Variants in TACR3 observed in about 807,000 individuals in gnomAD.
The protein encoded by TACR3 is tachykinin receptor 3, also known as neuromedin-K receptor.
TACR3 carries 34 observed loss-of-function variants against 35.0 expected under a neutral mutation model. That is an observed-to-expected ratio of 0.97 (90% CI 0.74 to 1.30). The LOEUF is 1.30. TACR3 is among the 50% of genes most tolerant of loss of function. TACR3 has a pLI of 0.00. For missense variants in TACR3, 558 were observed against 591.7 expected (o/e 0.94, Z 0.59); for synonymous variants, 233 against 221.1 (o/e 1.05, Z -0.48).
rs749394243 is a variant in TACR3, at chr4:103,658,317, A to AATG, written c.632_634dup (p.Ala211_Phe212insSer). The AATG allele has an allele frequency of 1.9e-6, 3 of 1,613,852 alleles. No individual in the cohort carries two copies. In the East Asian group the frequency reaches 6.7e-5, roughly 36 times the overall value. On this transcript the variant is annotated inframe_insertion, in exon 2 of 5. Coordinates refer to ENST00000304883, the MANE Select transcript of TACR3 (RefSeq NM_001059.3). Reference sequence around the variant, plus strand: ...AAGACACTGAGGGAAGGCAAGTAGAAATGCTAGAATCCAAATACTTCCAAT... The same window carrying AATG: ...AAGACACTGAGGGAAGGCAAGTAGAAATGATGCTAGAATCCAAATACTTCCAAT...
chr4:103,719,569 G>T lies in TACR3; in HGVS notation c.107C>A (p.Ala36Glu), dbSNP rs200591582. ...CAGTTGCAGCCACCCAGTCTCAACT[G>T]CCCCCGTGGCCGCCCCGGCAGCTAG... ...ASLAAGAATG[A>E]VETGWLQLLD... is the part of the protein sequence containing the mutation. The change falls in exon 1 of 5, where the codon GCA (alanine) becomes GAA (glutamate). Residue 36 changes from alanine to glutamate, a missense_variant. By Grantham distance (107) the Ala-to-Glu change is moderately radical (BLOSUM62 -1). Coordinates refer to ENST00000304883, the MANE Select transcript of TACR3 (RefSeq NM_001059.3). 2.1e-5 allele frequency: 33 copies of T among 1,609,620 alleles called. No individual in the cohort carries two copies. Among genetic ancestry groups the T allele is most frequent in the Middle Eastern group, 1.6e-4 (1 of 6,066 alleles).
At chr4:103,598,441 GA>G (rs1339968460) in intron 3 of TACR3, among the ~76,000 whole-genome samples, 1 of 152,210 alleles carries the variant, frequency 6.6e-6, no homozygotes, top group Non-Finnish European at 1.5e-5. Context: ...TTGCTGTGCA[GA>G]AGCTCTTTAG....
At chr4:103,616,266 A>C (rs1461837255) in intron 3 of TACR3, among the ~76,000 whole-genome samples, 1 of 151,838 alleles carries the variant, frequency 6.6e-6, no homozygotes, top group Non-Finnish European at 1.5e-5. Context: ...AATTTTAGGG[A>C]TTCTGGCTCC....
intron 1 of TACR3, among the ~76,000 whole-genome samples, chr4:103,697,846 T>A (rs1722558226): frequency 6.6e-6 from 1 of 152,230 alleles, no homozygotes; most frequent in South Asian, 2.1e-4. Context: ...ATAAGTATTC[T>A]ATTTGTGAAC....
At chr4:103,687,885 T>C (rs1174184667) in intron 1 of TACR3, among the ~76,000 whole-genome samples, 2 of 152,088 alleles carry the variant, frequency 1.3e-5, no homozygotes, top group African/African-American at 4.8e-5. Flanking sequence ...TTCACAGAAT[T>C]AGAAAAAACT....
intron 1 of TACR3, among the ~76,000 whole-genome samples, chr4:103,675,110 CT>C (rs1020624380): frequency 6.6e-6 from 1 of 152,052 alleles, no homozygotes; most frequent in African/African-American, 2.4e-5. Context: ...AAAATCCTCC[CT>C]TTTTCTCACT....
chr4:103,714,104 G>A (rs1170586934), intron 1 of TACR3, among the ~76,000 whole-genome samples: 1 of 151,638 alleles, frequency 6.6e-6, no homozygotes, highest in Non-Finnish European at 1.5e-5. Flanking sequence ...TCTTTTTTTT[G>A]GATTTTGTTT....
intron 3 of TACR3, among the ~76,000 whole-genome samples, chr4:103,652,574 A>G (rs1045921245): frequency 3.9e-5 from 6 of 151,992 alleles, no homozygotes; most frequent in African/African-American, 9.7e-5. Flanking sequence ...TTAGGAAATG[A>G]TTATTTTTGT....
rs191319670 is a variant in TACR3 at position 103,688,948 on chromosome 4, G to A, written c.548+30180C>T. Among the ~76,000 whole-genome samples, 168 of 152,052 alleles carry A rather than the reference G, an allele frequency of 1.1e-3. 1 individual carries two copies. The highest frequency in any genetic ancestry group is 3.4e-3 in the Middle Eastern group (1 of 294). ...CATGCTGCTATAAAAACACATGCACGCGTATGTTTATTGCGGCACTATTCA... is the reference window on the plus strand; with the variant it reads ...CATGCTGCTATAAAAACACATGCACACGTATGTTTATTGCGGCACTATTCA... On this transcript the variant is annotated intron_variant, in intron 1 of 4. Transcript: ENST00000304883.
At position 103,629,877 on chromosome 4, in the gene TACR3, A is replaced by G. The variant is rs563365301; in HGVS notation, c.888+26317T>C. Among the ~76,000 whole-genome samples, 22 of 128,134 alleles carry G rather than the reference A, an allele frequency of 1.7e-4. 1 individual carries two copies. The highest frequency in any genetic ancestry group is 6.5e-4 in the African/African-American group (22 of 33,590). 84.1% of individuals were successfully genotyped at this position (128,134 alleles called of 152,430 possible). A position where few individuals can be genotyped will look rare whatever the true frequency, so the allele number is the denominator to read the frequency against. On this transcript the variant is annotated intron_variant, in intron 3 of 4. Transcript: ENST00000304883. ...AAAAAAAAACAAAAAAAAAACAAAA[A>G]AAACAACAACAACAACAAAAAAAAA...
chr4:103,711,696 G>T (rs1379385834), intron 1 of TACR3, among the ~76,000 whole-genome samples: 1 of 152,156 alleles, frequency 6.6e-6, no homozygotes, highest in Admixed American at 6.5e-5. Flanking sequence ...AAAAGAGGAA[G>T]TCAAATTGTC....
intron 1 of TACR3, among the ~76,000 whole-genome samples, chr4:103,675,725 C>T (rs576705923): frequency 2.6e-5 from 4 of 152,006 alleles, no homozygotes; most frequent in Non-Finnish European, 5.9e-5. Flanking sequence ...GAGTGGTAGA[C>T]ACGTCCGAAA....
At chr4:103,636,857 C>T (rs370661518) in intron 3 of TACR3, among the ~76,000 whole-genome samples, 9 of 152,064 alleles carry the variant, frequency 5.9e-5, no homozygotes, top group Middle Eastern at 3.4e-3. Flanking sequence ...ATAAATTCCT[C>T]GACACATACA....
At chr4:103,719,017 C>T (rs1578272094) in intron 1 of TACR3, 111 bp downstream of exon 1, 1 of 1,467,598 alleles carries the variant, frequency 6.8e-7, no homozygotes, top group African/African-American at 1.4e-5. Context: ...TTCTTAGTCT[C>T]TTTACTTTTA....
intron 1 of TACR3, among the ~76,000 whole-genome samples, chr4:103,692,318 A>G (rs1722422119): frequency 6.6e-6 from 1 of 152,190 alleles, no homozygotes; most frequent in Admixed American, 6.5e-5. Flanking sequence ...TATTAAATAT[A>G]AAGAAGGACA....
intron 3 of TACR3, among the ~76,000 whole-genome samples, chr4:103,651,984 C>G (rs1725628552): frequency 6.6e-6 from 1 of 152,014 alleles, no homozygotes; most frequent in African/African-American, 2.4e-5. Context: ...GTCTTCTTTA[C>G]TCTTTCCTCT....
intron 3 of TACR3, among the ~76,000 whole-genome samples, chr4:103,601,736 A>G (rs1724206660): frequency 6.6e-6 from 1 of 152,118 alleles, no homozygotes; most frequent in Non-Finnish European, 1.5e-5. Flanking sequence ...TGGCTTGTAG[A>G]GTTTCTGCTG....
At chr4:103,599,549 G>A (rs999131586) in intron 3 of TACR3, among the ~76,000 whole-genome samples, 13 of 152,190 alleles carry the variant, frequency 8.5e-5, no homozygotes, top group Non-Finnish European at 1.6e-4. Context: ...CAAAAGGAAT[G>A]CTTCCAGTTT....
At chr4:103,678,461 G>C (rs1220853188) in intron 1 of TACR3, among the ~76,000 whole-genome samples, 4 of 152,226 alleles carry the variant, frequency 2.6e-5, no homozygotes, top group Admixed American at 6.5e-5. Flanking sequence ...ATGAGAATCA[G>C]AAACTTTTCC....
Sources: gnomAD v4.1 joint callset for allele counts (sites outside exome capture counted in the v4.1 genomes callset) on GRCh38, gnomAD v4.1.1 for gene constraint, MANE v1.5 for transcripts, NCBI Gene and HGNC (gene_info 2026-07-23, HGNC 2026-07-21) for gene names.